Variants in SPATA13 observed in about 807,000 individuals in gnomAD.
The protein encoded by SPATA13 is spermatogenesis-associated protein 13.
In SPATA13, 50 loss-of-function variants were observed where a neutral mutation model predicts 104.0. The ratio of observed to expected loss-of-function variants is 0.48; its 90% CI spans 0.38 to 0.61. SPATA13 has a LOEUF of 0.61. SPATA13 is among the 20% of genes least tolerant of loss of function. The pLI, the probability that SPATA13 is intolerant of heterozygous loss-of-function variation, is 0.00. For synonymous variants in SPATA13, 606 were observed against 667.5 expected (o/e 0.91, Z 1.42); for missense variants, 1,524 against 1,690.6 (o/e 0.90, Z 1.73).
intron 2 of SPATA13, among the ~76,000 whole-genome samples, chr13:24,236,052 G>T (rs1397481852): frequency 3.3e-5 from 5 of 152,094 alleles, no homozygotes; most frequent in Admixed American, 3.3e-4. Flanking sequence ...TTCAAGGACT[G>T]TCACATAAGT....
chr13:24,103,675 A>G (rs1259617472), intron 3 of SPATA13, among the ~76,000 whole-genome samples: 1 of 152,046 alleles, frequency 6.6e-6, no homozygotes, highest in Non-Finnish European at 1.5e-5. Flanking sequence ...ATGTATCTAT[A>G]TGTATTTCTA....
intron 3 of SPATA13, among the ~76,000 whole-genome samples, chr13:24,077,279 A>G (rs954149839): frequency 2.6e-5 from 4 of 151,074 alleles, no homozygotes; most frequent in African/African-American, 9.7e-5. Flanking sequence ...AAAAAAAAAA[A>G]AAAAAAAGAG....
intron 2 of SPATA13, among the ~76,000 whole-genome samples, chr13:24,013,197 G>A (rs751823052): frequency 7.2e-5 from 11 of 152,140 alleles, no homozygotes; most frequent in Non-Finnish European, 1.3e-4. Context: ...CTCCCCACGC[G>A]TGCTGCACTG....
intron 3 of SPATA13, among the ~76,000 whole-genome samples, chr13:24,062,125 T>C (rs1055503290): frequency 6.6e-6 from 1 of 152,200 alleles, no homozygotes; most frequent in Admixed American, 6.5e-5. Flanking sequence ...CACACTCAGT[T>C]GCCTGTGTGA....
At chr13:24,112,996 C>G (rs955011648) in intron 3 of SPATA13, among the ~76,000 whole-genome samples, 1 of 152,156 alleles carries the variant, frequency 6.6e-6, no homozygotes, top group Non-Finnish European at 1.5e-5. Flanking sequence ...GAGTCACAGC[C>G]AAGAAAGTCT....
intron 1 of SPATA13, among the ~76,000 whole-genome samples, chr13:24,200,736 C>A (rs1408551894): frequency 1.3e-5 from 2 of 149,972 alleles, no homozygotes; most frequent in Non-Finnish European, 3.0e-5. Flanking sequence ...CTCTTGTGCC[C>A]GAGATGAAAA....
At chr13:23,982,982 G>A (rs1165069128) in intron 1 of SPATA13, among the ~76,000 whole-genome samples, 1 of 152,212 alleles carries the variant, frequency 6.6e-6, no homozygotes, top group Non-Finnish European at 1.5e-5. Context: ...AAAAGACAAA[G>A]GGGCAGGGCC....
intron 1 of SPATA13, among the ~76,000 whole-genome samples, chr13:24,181,188 G>A (rs549007980): frequency 1.3e-5 from 2 of 152,252 alleles, no homozygotes; most frequent in African/African-American, 2.4e-5. Flanking sequence ...GAATGAATGC[G>A]AAGGCCTAGG....
At chr13:24,181,438 A>G (rs1868800025) in intron 1 of SPATA13, among the ~76,000 whole-genome samples, 1 of 152,304 alleles carries the variant, frequency 6.6e-6, no homozygotes. Flanking sequence ...TACAAATATA[A>G]TTTCTTTATA....
At chr13:24,138,027 G>A (rs1027201799) in intron 3 of SPATA13, among the ~76,000 whole-genome samples, 4 of 152,160 alleles carry the variant, frequency 2.6e-5, no homozygotes, top group African/African-American at 4.8e-5. Context: ...TGGGCCAGGC[G>A]TAGTGGCTCG....
intron 12 of SPATA13, among the ~76,000 whole-genome samples, chr13:24,301,161 C>T (rs948204694): frequency 4.6e-5 from 7 of 152,070 alleles, no homozygotes; most frequent in African/African-American, 1.7e-4. Context: ...GGATTTTTCC[C>T]CAAAAAATAT....
chr13:24,210,652 A>G (rs566044085), intron 1 of SPATA13, among the ~76,000 whole-genome samples: 3 of 151,570 alleles, frequency 2.0e-5, no homozygotes, highest in South Asian at 4.2e-4. Context: ...TTTGATTACC[A>G]TAAGTTTGTA....
At chr13:24,191,602 T>C (rs1220555) in intron 1 of SPATA13, among the ~76,000 whole-genome samples, 56,849 of 143,352 alleles carry the variant, frequency 0.4, 11,296 homozygotes, top group Admixed American at 0.49. Context: ...CTCTGCCACC[T>C]GGGTTCACGC....
At chr13:24,245,415 T>C (rs1873065031) in intron 2 of SPATA13, among the ~76,000 whole-genome samples, 1 of 152,182 alleles carries the variant, frequency 6.6e-6, no homozygotes, top group Non-Finnish European at 1.5e-5. Context: ...CCTCTATCCT[T>C]CTCTTTGTAC....
intron 3 of SPATA13, among the ~76,000 whole-genome samples, chr13:24,019,282 G>C (rs886303020): frequency 6.6e-6 from 1 of 151,698 alleles, no homozygotes; most frequent in South Asian, 2.1e-4. Context: ...TAGAGACGGG[G>C]TTTCACCGTT....
At chr13:24,121,461 C>A (rs1881027984) in intron 3 of SPATA13, among the ~76,000 whole-genome samples, 2 of 152,138 alleles carry the variant, frequency 1.3e-5, no homozygotes, top group African/African-American at 4.8e-5. Flanking sequence ...AGTGCCAATT[C>A]ATTTCCTGAT....
At chr13:24,014,517 T>C (rs1876622190) in intron 2 of SPATA13, among the ~76,000 whole-genome samples, 1 of 152,228 alleles carries the variant, frequency 6.6e-6, no homozygotes, top group South Asian at 2.1e-4. Context: ...TATACTGTAG[T>C]CTTACAATAA....
At chr13:24,012,071 A>G (rs1234743373) in intron 2 of SPATA13, among the ~76,000 whole-genome samples, 8 of 152,348 alleles carry the variant, frequency 5.3e-5, no homozygotes, top group African/African-American at 1.4e-4. Flanking sequence ...GTGTCTGACC[A>G]TGGGCCCCAG....
intron 1 of SPATA13, among the ~76,000 whole-genome samples, chr13:24,202,416 C>T (rs933904635): frequency 4.6e-5 from 7 of 151,918 alleles, no homozygotes; most frequent in East Asian, 1.9e-4. Flanking sequence ...CTGCAGGGAA[C>T]GGCCCGTTCC....
Sources: gnomAD v4.1 joint callset for allele counts (sites outside exome capture counted in the v4.1 genomes callset) on GRCh38, gnomAD v4.1.1 for gene constraint, MANE v1.5 for transcripts, NCBI Gene and HGNC (gene_info 2026-07-23, HGNC 2026-07-21) for gene names.